The following MSTN variants were observed in gnomAD, a reference collection of about 807,000 sequenced individuals.
MSTN encodes the protein myostatin.
MSTN carries 12 observed loss-of-function variants against 32.3 expected under a neutral mutation model. The ratio of observed to expected loss-of-function variants is 0.37; its 90% CI spans 0.24 to 0.60. The LOEUF is 0.60. Among genes scored for constraint, MSTN ranks in the 20% least tolerant of loss-of-function variants. MSTN has a pLI of 0.67. For synonymous variants in MSTN, 168 were observed against 155.1 expected (o/e 1.08, Z -0.62); for missense variants, 403 against 450.3 (o/e 0.89, Z 0.95).
rs368949692 is a variant in MSTN at position 190,060,217 on chromosome 2, G to C, written c.592C>G (p.Pro198Ala). The C allele has an allele frequency of 2.5e-6, 4 of 1,612,888 alleles. No homozygotes were observed. The African/African-American group carries it at 5.3e-5, about 22-fold the overall frequency. ...ATGCTCTGCCAAATACCAGTGCCTG[G>C]GTTCATGTCAAGTTTCAGAGATCGG... ...GIRSLKLDMN[P>A]GTGIWQSIDV... The change falls in exon 2 of 3, where the codon CCA becomes GCA. Residue 198 changes from proline (P) to alanine (A), a missense_variant. By Grantham distance (27) the Pro-to-Ala change is conservative (BLOSUM62 -1). Transcript: ENST00000260950.
chr2:190,058,198 G>C (rs1559408519), intron 2 of MSTN, among the ~76,000 whole-genome samples: 1 of 151,954 alleles, frequency 6.6e-6, no homozygotes, highest in African/African-American at 2.4e-5. Flanking sequence ...TTCTTTCACT[G>C]GAAAATGTTT....
chr2:190,057,489 G>A lies in MSTN; in HGVS notation c.897C>T (p.Ile299=), dbSNP rs773422984. The stretch of plus-strand genomic sequence containing the variant: ...AATTGGCCTTATATCTTTTAGGAGC[G>A]ATAATCCAATCCCATCCAAAAGCTT... ...DFEAFGWDWI[I]APKRYKANYC... The change falls in exon 3 of 3, where the codon ATC becomes ATT. Residue 299 remains isoleucine, a synonymous_variant. Transcript: ENST00000260950. The A allele has an allele frequency of 5.6e-6, 9 of 1,613,322 alleles. No individual in the cohort carries two copies. Among genetic ancestry groups the A allele is most frequent in the South Asian group, 3.3e-5 (3 of 91,068 alleles).
chr2:190,057,695 A>G, intron 2 of MSTN, 57 bp from the exon 3 acceptor site: 4 of 1,570,424 alleles, frequency 2.5e-6, no homozygotes, highest in Non-Finnish European at 3.5e-6. Flanking sequence ...ACACTTTTCT[A>G]CCTACCTTAA....
At chr2:190,059,927 G>A (rs534589899) in intron 2 of MSTN, 135 bp downstream of exon 2, 1 of 813,806 alleles carries the variant, frequency 1.2e-6, no homozygotes, top group Admixed American at 2.2e-5. Flanking sequence ...ATTGGGTACA[G>A]GGCTACCGTT....
Position 190,061,241 on chromosome 2 carries a change from T to C in MSTN, c.374-806A>G, listed in dbSNP as rs546815526. On this transcript the variant is annotated intron_variant, in intron 1 of 2. Transcript: ENST00000260950. ...TAATATTTTAAAACTGTTTGGAGTCTTGTTTAAAGTATATAAAGCATTGTA... is the reference window on the plus strand; with the variant it reads ...TAATATTTTAAAACTGTTTGGAGTCCTGTTTAAAGTATATAAAGCATTGTA... Among the ~76,000 whole-genome samples the C allele has an allele frequency of 6.6e-5, 10 of 152,220 alleles. No homozygotes were observed. In the Middle Eastern group the frequency reaches 0.014, roughly 207 times the overall value.
Position 190,062,247 on chromosome 2 carries a change from G to C in MSTN, c.350C>G (p.Thr117Arg), listed in dbSNP as rs1303314194. 2 of 1,612,986 alleles carry C rather than the reference G, an allele frequency of 1.2e-6. No homozygotes were observed. Among genetic ancestry groups the C allele is most frequent in the Non-Finnish European group, 1.7e-6 (2 of 1,179,192 alleles). The change falls in exon 1 of 3, where the codon ACA becomes AGA. Residue 117 changes from threonine to arginine, a missense_variant. Coordinates refer to ENST00000260950, the MANE Select transcript of MSTN (RefSeq NM_005259.3). ...EDDDYHATTE[T>R]IITMPTESDF... ...ACACTCTGTAGGCATGGTAATGATT[G>C]TTTCCGTTGTAGCGTGATAATCGTC... is the stretch of plus-strand genomic sequence containing the variant.
At chr2:190,060,524 T>A (rs539527155) in intron 1 of MSTN, 89 bp from the exon 2 acceptor site, 2 of 1,146,322 alleles carry the variant, frequency 1.7e-6, no homozygotes, top group South Asian at 1.5e-5. Flanking sequence ...TTTTTTAAAT[T>A]AAGATAATGT....
rs150195507 is a variant in MSTN, at chr2:190,062,198, T to A, written c.373+26A>T. ...CTAGAACAACAGTCAGCAGAACTGT[T>A]GATATACACTAATAGGACTACTTAC... On this transcript the variant is annotated intron_variant, in intron 1 of 2. Coordinates refer to ENST00000260950, the MANE Select transcript of MSTN (RefSeq NM_005259.3). The A allele has an allele frequency of 5.6e-6, 9 of 1,611,454 alleles. No homozygotes were observed. The African/African-American group carries it at 8.0e-5, about 14-fold the overall frequency.
rs1685551799 is a variant in MSTN at position 190,060,166 on chromosome 2, A to G, written c.643T>C (p.Trp215Arg). Reference sequence around the variant, plus strand: ...AAGTTGGATTCAGGTTGTTTGAGCCAATTTTGCAACACTGTCTTCACATCA... The same window carrying G: ...AAGTTGGATTCAGGTTGTTTGAGCCGATTTTGCAACACTGTCTTCACATCA... Reference protein sequence around the residue: ...SIDVKTVLQNWLKQPESNLGI... With the variant: ...SIDVKTVLQNRLKQPESNLGI... The change falls in exon 2 of 3, where the codon TGG becomes CGG. Residue 215 changes from tryptophan to arginine, a missense_variant. Physicochemically the swap from Trp to Arg is moderately radical, Grantham distance 101 (BLOSUM62 -3). Coordinates refer to ENST00000260950, the MANE Select transcript of MSTN (RefSeq NM_005259.3). 1 of 1,612,920 alleles carries G rather than the reference A, an allele frequency of 6.2e-7. No homozygotes were observed. Among genetic ancestry groups the G allele is most frequent in the African/African-American group, 1.3e-5 (1 of 74,824 alleles).
In MSTN at chr2:190,057,370, CA is replaced by C; in HGVS notation, c.1015del (p.Cys339AlafsTer21). 3 of 1,613,618 alleles carry C rather than the reference CA, an allele frequency of 1.9e-6. No homozygotes were observed. The highest frequency in any genetic ancestry group is 2.5e-6 in the Non-Finnish European group (3 of 1,179,628). ...QANPRGSAGP[C>X]CTPTKMSPIN... ...TGGAGACATCTTTGTGGGAGTACAG[CA>C]AGGGCCTGCTGAACCTCTGGGGTTT... On this transcript the variant is annotated frameshift_variant, in exon 3 of 3. Transcript: ENST00000260950. LOFTEE classifies it high-confidence loss of function.
rs1685453735 is a variant in MSTN, at chr2:190,057,007, T to G, written c.*251A>C. 4.2e-6 allele frequency: 2 copies of G among 471,044 alleles called. No individual in the cohort carries two copies. Among genetic ancestry groups the G allele is most frequent in the Admixed American group, 3.6e-5 (1 of 27,456 alleles). 29.2% of individuals were successfully genotyped at this position (471,044 alleles called of 1,614,324 possible). A position where few individuals can be genotyped will look rare whatever the true frequency, so the allele number is the denominator to read the frequency against. ...GCCGATGTTGTAATATATAGGAACA[T>G]AAATGTAATTTGATCTCCTTCTAGC... On this transcript the variant is annotated 3_prime_UTR_variant, in exon 3 of 3. Coordinates refer to ENST00000260950, the MANE Select transcript of MSTN (RefSeq NM_005259.3).
intron 2 of MSTN, among the ~76,000 whole-genome samples, chr2:190,058,619 G>T (rs559664841): frequency 6.6e-6 from 1 of 151,818 alleles, no homozygotes; most frequent in Non-Finnish European, 1.5e-5. Context: ...GCCCATCAGC[G>T]GATGAATGGA....
chr2:190,060,056 A>G lies in MSTN; in HGVS notation c.747+6T>C. On this transcript the variant is annotated splice_donor_region_variant and intron_variant, in intron 2 of 2. Transcript: ENST00000260950. ...TATTATAATGTTATTTTCAGTTATC[A>G]CTTACCAGCCCATCTTCTCCTGGTC... The G allele has an allele frequency of 6.2e-7, 1 of 1,610,992 alleles. No homozygotes were observed. The highest frequency in any genetic ancestry group is 8.5e-7 in the Non-Finnish European group (1 of 1,177,868).
rs1483694139 is a variant in MSTN, at chr2:190,062,473, A to G, written c.124T>C (p.Cys42Arg). Residue 42 changes from cysteine (C) to arginine (R), a missense_variant, in exon 1 of 3, where the codon TGT (cysteine) becomes CGT (arginine). Coordinates refer to ENST00000260950, the MANE Select transcript of MSTN (RefSeq NM_005259.3). ...GATTTAGTGTTTTGTCTCCAAGTACATGCATTACACAGCCCCTCTTTTTCC... is the reference window on the plus strand; with the variant it reads ...GATTTAGTGTTTTGTCTCCAAGTACGTGCATTACACAGCCCCTCTTTTTCC... ...NVEKEGLCNA[C>R]TWRQNTKSSR... 5 of 1,613,666 alleles carry G rather than the reference A, an allele frequency of 3.1e-6. No homozygotes were observed. The highest frequency in any genetic ancestry group is 4.2e-6 in the Non-Finnish European group (5 of 1,179,668).
intron 1 of MSTN, among the ~76,000 whole-genome samples, chr2:190,060,641 T>C (rs2105753217): frequency 6.6e-6 from 1 of 152,198 alleles, no homozygotes; most frequent in South Asian, 2.1e-4. Flanking sequence ...CAGACGTATG[T>C]ATTTTCAGCT....
Position 190,057,047 on chromosome 2 carries a change from A to C in MSTN, c.*211T>G. The C allele has an allele frequency of 1.8e-6, 1 of 558,834 alleles. No homozygotes were observed. Among genetic ancestry groups the C allele is most frequent in the Non-Finnish European group, 3.1e-6 (1 of 319,690 alleles). The allele number at this position is 558,834 out of a possible 1,614,324, so 34.6% of individuals were successfully genotyped here. On this transcript the variant is annotated 3_prime_UTR_variant, in exon 3 of 3. Transcript: ENST00000260950. ...CTCCTTCTAGCTCAAAAACTCTGGA[A>C]ATCATAAAACTTTCTTGTATGATTT...
rs537956645 is a variant in MSTN, at chr2:190,056,968, G to C, written c.*290C>G. The stretch of plus-strand genomic sequence containing the variant: ...AATTCATCAGAACTCAAGGAGAATC[G>C]CTTTCATTTCCTCGCCGATGTTGTA... On this transcript the variant is annotated 3_prime_UTR_variant, in exon 3 of 3. Coordinates refer to ENST00000260950, the MANE Select transcript of MSTN (RefSeq NM_005259.3). 3.0e-6 allele frequency: 1 copy of C among 334,782 alleles called. No homozygotes were observed. The highest frequency in any genetic ancestry group is 5.5e-6 in the Non-Finnish European group (1 of 181,220). 20.7% of individuals were successfully genotyped at this position (334,782 alleles called of 1,614,324 possible). A position where few individuals can be genotyped will look rare whatever the true frequency, so the allele number is the denominator to read the frequency against.
At chr2:190,057,754 T>A (rs1292323951) in intron 2 of MSTN, 116 bp from the exon 3 acceptor site, 3 of 1,099,556 alleles carry the variant, frequency 2.7e-6, no homozygotes, top group Non-Finnish European at 4.0e-6. Flanking sequence ...ATACCACATT[T>A]ATTTTTAAAA....
intron 2 of MSTN, 88 bp from the exon 3 acceptor site, chr2:190,057,726 A>C: frequency 7.0e-7 from 1 of 1,424,234 alleles, no homozygotes. Context: ...TTGAAGTAAT[A>C]AACTAATAAT....
Sources: gnomAD v4.1 joint callset for allele counts (sites outside exome capture counted in the v4.1 genomes callset) on GRCh38, gnomAD v4.1.1 for gene constraint, MANE v1.5 for transcripts, NCBI Gene and HGNC (gene_info 2026-07-23, HGNC 2026-07-21) for gene names.